The following SHISA9 variants were observed in gnomAD, a reference collection of about 807,000 sequenced individuals.
SHISA9 encodes shisa family member 9.
SHISA9 carries 13 observed loss-of-function variants against 38.0 expected under a neutral mutation model. That is an observed-to-expected ratio of 0.34 (90% CI 0.22 to 0.54). The LOEUF is 0.54. Ranked by LOEUF, SHISA9 falls within the 20% of genes least tolerant of loss-of-function variation. The pLI is 0.91. For synonymous variants in SHISA9, 275 were observed against 242.0 expected, an observed-to-expected ratio of 1.14 and a Z score of -1.27; for missense variants, 538 against 575.8, an observed-to-expected ratio of 0.93 and a Z score of 0.67.
the SHISA9 span, among the ~76,000 whole-genome samples, chr16:13,555,979 C>T: frequency 6.6e-6 from 1 of 152,108 alleles, no homozygotes; most frequent in Non-Finnish European, 1.5e-5. Context: ...TCTCAGTTTC[C>T]TCATTTGTTA....
At chr16:13,389,174 C>T in the SHISA9 span, among the ~76,000 whole-genome samples, 1 of 152,140 alleles carries the variant, frequency 6.6e-6, no homozygotes, top group African/African-American at 2.4e-5. Context: ...ATGATAGTAT[C>T]ATACAGAGTA....
the SHISA9 span, among the ~76,000 whole-genome samples, chr16:13,428,922 G>T: frequency 6.6e-6 from 1 of 151,844 alleles, no homozygotes; most frequent in South Asian, 2.1e-4. Flanking sequence ...CATGCCACCA[G>T]GCCTGACTAA....
At chr16:13,358,377 C>A in the SHISA9 span, among the ~76,000 whole-genome samples, 2 of 152,110 alleles carry the variant, frequency 1.3e-5, no homozygotes, top group African/African-American at 2.4e-5. Context: ...TGCTGTCCCT[C>A]CCTTTGTCCC....
the SHISA9 span, among the ~76,000 whole-genome samples, chr16:13,523,085 C>T: frequency 0.15 from 23,392 of 152,126 alleles, 1,921 homozygotes; most frequent in Non-Finnish European, 0.19. Flanking sequence ...CGGTAGCTCA[C>T]GCCTGTAATC....
chr16:13,181,757 T>G (rs2050781487), intron 2 of SHISA9, among the ~76,000 whole-genome samples: 1 of 149,838 alleles, frequency 6.7e-6, no homozygotes, highest in African/African-American at 2.5e-5. Flanking sequence ...AAAGAGGGGG[T>G]GATGGAGATG....
chr16:13,159,666 C>G (rs1011166986), intron 2 of SHISA9, among the ~76,000 whole-genome samples: 16 of 152,232 alleles, frequency 1.1e-4, no homozygotes, highest in African/African-American at 3.9e-4. Flanking sequence ...CCAAAGCCTT[C>G]TACAAGTTCC....
At chr16:13,479,217 G>C in the SHISA9 span, among the ~76,000 whole-genome samples, 1 of 152,104 alleles carries the variant, frequency 6.6e-6, no homozygotes, top group Non-Finnish European at 1.5e-5. Flanking sequence ...CCTCTTTTAA[G>C]GGCCCCTGTG....
At chr16:13,386,976 G>A in the SHISA9 span, among the ~76,000 whole-genome samples, 1 of 152,120 alleles carries the variant, frequency 6.6e-6, no homozygotes, top group African/African-American at 2.4e-5. Context: ...ACTGAATACG[G>A]CTTTAACACT....
Position 13,238,611 on chromosome 16 carries a change from G to T in SHISA9, c.*3202G>T, listed in dbSNP as rs2051407653. 1 of 152,002 alleles carries T rather than the reference G, an allele frequency of 6.6e-6. No homozygotes were observed. Among genetic ancestry groups the T allele is most frequent in the Non-Finnish European group, 1.5e-5 (1 of 68,024 alleles). The allele number at this position is 152,002 out of a possible 1,614,324, so 9.4% of individuals were successfully genotyped here. On this transcript the variant is annotated 3_prime_UTR_variant, in exon 5 of 5. Coordinates refer to ENST00000558583, the MANE Select transcript of SHISA9 (RefSeq NM_001145204.3). ...CTGCAGTTGTAATTTTGGCAGCAAA[G>T]GTGCAGACTGGTCATTAAGATGTAG...
the SHISA9 span, among the ~76,000 whole-genome samples, chr16:13,420,071 C>A: frequency 1.3e-5 from 2 of 151,812 alleles, no homozygotes; most frequent in East Asian, 3.9e-4. Flanking sequence ...CATGGCGAAA[C>A]CCCGTCTCTA....
the SHISA9 span, among the ~76,000 whole-genome samples, chr16:13,392,998 C>G: frequency 1.3e-5 from 2 of 152,198 alleles, no homozygotes; most frequent in African/African-American, 4.8e-5. Flanking sequence ...CTTGTTACAG[C>G]AGCCCTTGGA....
chr16:13,174,171 G>T (rs967470639), intron 2 of SHISA9, among the ~76,000 whole-genome samples: 1 of 152,054 alleles, frequency 6.6e-6, no homozygotes, highest in Non-Finnish European at 1.5e-5. Context: ...GTAAAATATA[G>T]CATTTGTTTT....
chr16:13,299,410 G>T, the SHISA9 span, among the ~76,000 whole-genome samples: 71 of 152,162 alleles, frequency 4.7e-4, no homozygotes, highest in East Asian at 5.2e-3. Flanking sequence ...CGCACAGCTG[G>T]CAGGCAGCAG....
chr16:12,969,213 T>A (rs1425730820), intron 2 of SHISA9, among the ~76,000 whole-genome samples: 1 of 151,870 alleles, frequency 6.6e-6, no homozygotes, highest in Non-Finnish European at 1.5e-5. Context: ...AGCCCACAGT[T>A]TGTAGTTTGC....
At chr16:12,951,410 C>G (rs1047708796) in intron 2 of SHISA9, among the ~76,000 whole-genome samples, 2 of 152,052 alleles carry the variant, frequency 1.3e-5, no homozygotes, top group African/African-American at 4.8e-5. Flanking sequence ...GCAGGGTGCA[C>G]AGTCTCTGTT....
chr16:13,298,261 T>C, the SHISA9 span, among the ~76,000 whole-genome samples: 2 of 152,176 alleles, frequency 1.3e-5, no homozygotes, highest in Non-Finnish European at 2.9e-5. Context: ...ATGTGGACTT[T>C]ATAGAGCCTA....
At chr16:13,461,672 G>T in the SHISA9 span, among the ~76,000 whole-genome samples, 1 of 138,792 alleles carries the variant, frequency 7.2e-6, no homozygotes, top group Non-Finnish European at 1.5e-5. Context: ...AGAGTGCAGT[G>T]GCATGATCTC....
chr16:12,924,617 G>A (rs542930064), intron 2 of SHISA9, among the ~76,000 whole-genome samples: 87 of 152,110 alleles, frequency 5.7e-4, no homozygotes, highest in Non-Finnish European at 1.1e-3. Context: ...CTAAGAGTGA[G>A]GGGATGCTCT....
At chr16:12,996,728 G>C (rs1356181311) in intron 2 of SHISA9, among the ~76,000 whole-genome samples, 1 of 152,282 alleles carries the variant, frequency 6.6e-6, no homozygotes, top group East Asian at 1.9e-4. Flanking sequence ...CTTGAGGGTA[G>C]AGCCTCCAAG....
Sources: gnomAD v4.1 joint callset for allele counts (sites outside exome capture counted in the v4.1 genomes callset) on GRCh38, gnomAD v4.1.1 for gene constraint, MANE v1.5 for transcripts, NCBI Gene and HGNC (gene_info 2026-07-23, HGNC 2026-07-21) for gene names.